The following ENPP2 variants were observed in gnomAD, a reference collection of about 807,000 sequenced individuals.
ENPP2 encodes the protein ectonucleotide pyrophosphatase/phosphodiesterase 2, also known as autotaxin.
In ENPP2, 51 loss-of-function variants were observed where a neutral mutation model predicts 120.2. That is an observed-to-expected ratio of 0.42 (90% CI 0.34 to 0.54). The LOEUF (loss-of-function observed/expected upper bound fraction) is 0.54. ENPP2 is among the 20% of genes least tolerant of loss of function. The pLI is 0.04. For synonymous variants in ENPP2, 365 were observed against 366.4 expected (o/e 1.00, Z 0.04); for missense variants, 920 against 1,066.5 (o/e 0.86, Z 1.91).
intron 19 of ENPP2, among the ~76,000 whole-genome samples, chr8:119,573,739 G>A (rs752818433): frequency 6.6e-6 from 1 of 152,142 alleles, no homozygotes; most frequent in Non-Finnish European, 1.5e-5. Context: ...AACCTGGGAG[G>A]CAGAGGATGC....
chr8:119,609,846 AT>A (rs1016531047), intron 8 of ENPP2, among the ~76,000 whole-genome samples: 2 of 152,224 alleles, frequency 1.3e-5, no homozygotes, highest in Admixed American at 1.3e-4. Flanking sequence ...TAAGATTAAT[AT>A]GGAGTTTCCT....
intron 2 of ENPP2, among the ~76,000 whole-genome samples, chr8:119,632,777 A>T (rs1035999744): frequency 6.6e-6 from 1 of 152,214 alleles, no homozygotes. Flanking sequence ...GGGTTGTAGA[A>T]TTCTAGTGCC....
At chr8:119,631,263 C>T (rs1816657185) in intron 2 of ENPP2, among the ~76,000 whole-genome samples, 2 of 118,868 alleles carry the variant, frequency 1.7e-5, no homozygotes, top group Admixed American at 2.2e-4. Flanking sequence ...GTCACCCAGG[C>T]TGGAGTGCAG....
At chr8:119,649,351 G>A (rs541161147) in intron 1 of ENPP2, among the ~76,000 whole-genome samples, 14 of 149,244 alleles carry the variant, frequency 9.4e-5, no homozygotes, top group Middle Eastern at 3.5e-3. Flanking sequence ...GCAGTGAGCC[G>A]AGATCGTGCC....
At chr8:119,619,660 A>G (rs1267916858) in intron 4 of ENPP2, among the ~76,000 whole-genome samples, 1 of 151,622 alleles carries the variant, frequency 6.6e-6, no homozygotes, top group East Asian at 1.9e-4. Context: ...TTTCTCCACC[A>G]CTGGAGATCT....
chr8:119,569,265 G>T lies in ENPP2; in HGVS notation c.2023C>A (p.Gln675Lys). 6.2e-7 allele frequency: 1 copy of T among 1,614,010 alleles called. No individual in the cohort carries two copies. The highest frequency in any genetic ancestry group is 1.1e-5 in the South Asian group (1 of 91,080). ...QNCLAYKNDKQMSYGFLFPPY... is the reference protein window; with the variant it reads ...QNCLAYKNDKKMSYGFLFPPY... ...GGAAAGAGGAATCCGTAGGACATCT[G>T]CTTATCATTTTTGTAGGCCAAACAG... Residue 675 changes from glutamine to lysine, a missense_variant, in exon 21 of 25, where the codon CAG (glutamine) becomes AAG (lysine). Coordinates refer to ENST00000075322, the MANE Select transcript of ENPP2 (RefSeq NM_001040092.3).
In ENPP2 at chr8:119,557,513, T is replaced by G. The variant is rs1277862150; in HGVS notation, c.*8A>C. 4.4e-6 allele frequency: 7 copies of G among 1,608,638 alleles called. No individual in the cohort carries two copies. The East Asian group carries it at 1.6e-4, about 36-fold the overall frequency. On this transcript the variant is annotated 3_prime_UTR_variant, in exon 25 of 25. Coordinates refer to ENST00000075322, the MANE Select transcript of ENPP2 (RefSeq NM_001040092.3). Reference sequence around the variant, plus strand: ...GTTGATAAGACTGTACTGCAGATGCTCAGAAAGTTAAATCTCGCTCTCATA... The same window carrying G: ...GTTGATAAGACTGTACTGCAGATGCGCAGAAAGTTAAATCTCGCTCTCATA...
At position 119,583,971 on chromosome 8, in the gene ENPP2, G is replaced by C; in HGVS notation, c.1446C>G (p.Asn482Lys). The C allele has an allele frequency of 6.2e-7, 1 of 1,612,232 alleles. No individual in the cohort carries two copies. Among genetic ancestry groups the C allele is most frequent in the Non-Finnish European group, 8.5e-7 (1 of 1,178,316 alleles). ...AGTTCTGCCATCATACCTGCATGCT[G>C]TTGACCTTGTTATCAAATCCGTGGT... ...QGDHGFDNKVNSMQTVFVGYG... is the reference protein window; with the variant it reads ...QGDHGFDNKVKSMQTVFVGYG... The change falls in exon 16 of 25, where the codon AAC becomes AAG. Residue 482 changes from asparagine to lysine, a missense_variant. Asn to Lys is a moderately conservative substitution (Grantham distance 94). Coordinates refer to ENST00000075322, the MANE Select transcript of ENPP2 (RefSeq NM_001040092.3).
chr8:119,648,439 GGGTAGGGTGATTCT>G (rs1214963015), intron 1 of ENPP2, among the ~76,000 whole-genome samples: 12 of 152,288 alleles, frequency 7.9e-5, no homozygotes, highest in Admixed American at 7.8e-4. Flanking sequence ...ATGTGGCAAA[GGGTAGGGTGATTCT>G]GGAAACAGCT....
intron 6 of ENPP2, 67 bp from the exon 7 acceptor site, chr8:119,617,310 T>C (rs1448017665): frequency 7.6e-7 from 1 of 1,322,774 alleles, no homozygotes; most frequent in East Asian, 2.3e-5. Flanking sequence ...AAATCCATTT[T>C]ATAAACACTC....
chr8:119,673,144 C>T, intron 1 of ENPP2: 1 of 961,556 alleles, frequency 1.0e-6, no homozygotes, highest in Non-Finnish European at 1.6e-6. Context: ...GGACTGCTTT[C>T]CGGCAAACCT....
chr8:119,645,974 C>CA (rs1279453499), intron 1 of ENPP2, among the ~76,000 whole-genome samples: 1 of 147,422 alleles, frequency 6.8e-6, no homozygotes, highest in Non-Finnish European at 1.5e-5. Context: ...TCCTTCTAAA[C>CA]TTTTTTTTTT....
intron 9 of ENPP2, among the ~76,000 whole-genome samples, chr8:119,605,471 T>A (rs1814654128): frequency 6.6e-6 from 1 of 151,526 alleles, no homozygotes; most frequent in Non-Finnish European, 1.5e-5. Flanking sequence ...TGTGTATTTT[T>A]TTTTTTGAGA....
chr8:119,596,807 A>C (rs1293593576), intron 11 of ENPP2, among the ~76,000 whole-genome samples: 1 of 152,210 alleles, frequency 6.6e-6, no homozygotes, highest in African/African-American at 2.4e-5. Context: ...ACCTGCTTTT[A>C]AGGGGCGTTG....
intron 12 of ENPP2, among the ~76,000 whole-genome samples, chr8:119,592,587 T>A (rs955059540): frequency 1.4e-5 from 2 of 144,886 alleles, no homozygotes; most frequent in Non-Finnish European, 3.0e-5. Context: ...TTTTAACCTA[T>A]CCATGACCTT....
At chr8:119,557,844 C>A (rs1020516651) in intron 24 of ENPP2, among the ~76,000 whole-genome samples, 153 bp from the exon 25 acceptor site, 12 of 152,200 alleles carry the variant, frequency 7.9e-5, no homozygotes. Context: ...GCCACTCTAC[C>A]GCATTCCTAT....
At chr8:119,643,448 G>A (rs1817342118), upstream of ENPP2, among the ~76,000 whole-genome samples, 1 of 152,184 alleles carries the variant, frequency 6.6e-6, no homozygotes, top group African/African-American at 2.4e-5. Context: ...ATGCAAACTA[G>A]ACTTGTGCTA....
At chr8:119,644,659 T>G (rs1385292946) in intron 1 of ENPP2, among the ~76,000 whole-genome samples, 2 of 142,288 alleles carry the variant, frequency 1.4e-5, no homozygotes, top group Non-Finnish European at 1.5e-5. Flanking sequence ...TATAGATATA[T>G]ATATATATAT....
At chr8:119,651,329 A>G (rs1487812656) in intron 1 of ENPP2, among the ~76,000 whole-genome samples, 1 of 152,254 alleles carries the variant, frequency 6.6e-6, no homozygotes, top group Admixed American at 6.5e-5. Context: ...AGTGGTAGCT[A>G]GTATTCGGTA....
Sources: gnomAD v4.1 joint callset for allele counts (sites outside exome capture counted in the v4.1 genomes callset) on GRCh38, gnomAD v4.1.1 for gene constraint, MANE v1.5 for transcripts, NCBI Gene and HGNC (gene_info 2026-07-23, HGNC 2026-07-21) for gene names.